Variants in ME3 observed in about 807,000 individuals in gnomAD.
ME3 encodes NADP-dependent malic enzyme, mitochondrial.
ME3 carries 48 observed loss-of-function variants against 68.9 expected under a neutral mutation model. The observed-to-expected ratio is 0.70, with a 90% CI of 0.55 to 0.89. ME3 has a LOEUF of 0.89. Among genes scored for constraint, ME3 ranks in the 40% least tolerant of loss-of-function variants. The probability of loss-of-function intolerance (pLI) is 0.00; values close to 1 mark genes in which losing one functional copy is unlikely to be tolerated. For synonymous variants in ME3, 320 were observed against 318.8 expected (o/e 1.00, Z -0.04); for missense variants, 675 against 797.4 (o/e 0.85, Z 1.85).
chr11:86,671,315 C>T (rs1233255185), intron 2 of ME3, among the ~76,000 whole-genome samples: 2 of 152,264 alleles, frequency 1.3e-5, no homozygotes, highest in Non-Finnish European at 2.9e-5. Flanking sequence ...CACTGGGTAC[C>T]AGGCACTGTT....
chr11:86,558,395 C>T (rs1465697321), intron 3 of ME3, among the ~76,000 whole-genome samples: 1 of 152,178 alleles, frequency 6.6e-6, no homozygotes, highest in Non-Finnish European at 1.5e-5. Flanking sequence ...GATATTTGGC[C>T]TGACTACAGT....
chr11:86,595,306 T>TATATATATATATATATATAGAGAGAGAG (rs371436753), intron 2 of ME3, among the ~76,000 whole-genome samples: 1 of 79,792 alleles, frequency 1.3e-5, no homozygotes, highest in African/African-American at 3.9e-5. Context: ...TATATATATA[T>TATATATATATATATATATAGAGAGAGAG]AGAGAGAGAG....
At chr11:86,660,663 G>C (rs990497151) in intron 2 of ME3, among the ~76,000 whole-genome samples, 1 of 152,068 alleles carries the variant, frequency 6.6e-6, no homozygotes, top group Admixed American at 6.5e-5. Context: ...ACACAAAATT[G>C]ATTCTAGCTG....
chr11:86,667,289 G>A (rs977796587), intron 2 of ME3, among the ~76,000 whole-genome samples: 3 of 152,086 alleles, frequency 2.0e-5, no homozygotes, highest in South Asian at 2.1e-4. Context: ...GTGGAATTTC[G>A]TGGCAAAAAA....
chr11:86,646,513 A>G (rs1334056096), intron 2 of ME3, among the ~76,000 whole-genome samples: 1 of 152,220 alleles, frequency 6.6e-6, no homozygotes, highest in African/African-American at 2.4e-5. Context: ...CAAAGAATGA[A>G]AAGTAACAAA....
At chr11:86,629,911 A>T (rs948512751) in intron 2 of ME3, among the ~76,000 whole-genome samples, 16 of 152,168 alleles carry the variant, frequency 1.1e-4, no homozygotes, top group African/African-American at 3.9e-4. Flanking sequence ...TTGAGGTTTA[A>T]TTCTGCTATA....
intron 4 of ME3, among the ~76,000 whole-genome samples, chr11:86,529,105 G>A (rs562719027): frequency 6.6e-6 from 1 of 152,250 alleles, no homozygotes; most frequent in South Asian, 2.1e-4. Flanking sequence ...TTGATAGACT[G>A]CTAGCGAGAC....
chr11:86,624,521 C>T (rs1175108141), intron 2 of ME3, among the ~76,000 whole-genome samples: 1 of 152,160 alleles, frequency 6.6e-6, no homozygotes, highest in African/African-American at 2.4e-5. Flanking sequence ...CAAGGCCATA[C>T]CTCATGCAGA....
intron 4 of ME3, among the ~76,000 whole-genome samples, chr11:86,520,983 A>T (rs966872472): frequency 2.0e-5 from 3 of 152,222 alleles, no homozygotes; most frequent in African/African-American, 7.2e-5. Context: ...GCACGCAGTT[A>T]TCTGTGACTC....
chr11:86,573,007 G>C (rs1433430579), intron 2 of ME3, among the ~76,000 whole-genome samples: 2 of 152,178 alleles, frequency 1.3e-5, no homozygotes, highest in Non-Finnish European at 2.9e-5. Flanking sequence ...TTGTGGTTTT[G>C]ATTTGCATTT....
intron 2 of ME3, among the ~76,000 whole-genome samples, chr11:86,587,949 G>A (rs1958837385): frequency 6.6e-6 from 1 of 152,164 alleles, no homozygotes; most frequent in South Asian, 2.1e-4. Context: ...CTGGATGTAT[G>A]GCCTTAAGCA....
At chr11:86,557,124 C>T (rs1382223803) in intron 3 of ME3, among the ~76,000 whole-genome samples, 6 of 152,108 alleles carry the variant, frequency 3.9e-5, no homozygotes, top group African/African-American at 1.2e-4. Context: ...ATTATGTGAA[C>T]ATTAATGAAT....
chr11:86,586,336 T>C (rs562898017), intron 2 of ME3, among the ~76,000 whole-genome samples: 6 of 152,148 alleles, frequency 3.9e-5, no homozygotes, highest in Admixed American at 1.3e-4. Flanking sequence ...CTGAGTAGGA[T>C]TGGAGACTGT....
downstream of ME3, among the ~76,000 whole-genome samples, chr11:86,440,085 C>G (rs1200672154): frequency 6.6e-6 from 1 of 152,202 alleles, no homozygotes; most frequent in Admixed American, 6.5e-5. Context: ...AATAGTCCAT[C>G]TAGCCTGTCC....
At chr11:86,484,481 A>AT (rs1490180474) in intron 7 of ME3, among the ~76,000 whole-genome samples, 1 of 152,280 alleles carries the variant, frequency 6.6e-6, no homozygotes, top group African/African-American at 2.4e-5. Flanking sequence ...TTAATGACAC[A>AT]TTCCTGTTGG....
chr11:86,538,677 G>A (rs931262566), intron 4 of ME3, among the ~76,000 whole-genome samples: 3 of 152,006 alleles, frequency 2.0e-5, no homozygotes, highest in African/African-American at 4.8e-5. Flanking sequence ...CTCATGCTTC[G>A]GTTAGTACTG....
At chr11:86,650,848 AG>A in intron 2 of ME3, among the ~76,000 whole-genome samples, 1 of 152,190 alleles carries the variant, frequency 6.6e-6, no homozygotes, top group Admixed American at 6.5e-5. Context: ...CTCCTAGCCA[AG>A]GAAAGGGGTG....
At chr11:86,515,766 G>C (rs1025875434) in intron 4 of ME3, among the ~76,000 whole-genome samples, 2 of 152,060 alleles carry the variant, frequency 1.3e-5, no homozygotes, top group African/African-American at 4.8e-5. Context: ...TCCACAGCTG[G>C]GTCTGTTTCA....
chr11:86,609,899 T>C (rs1942436538), intron 2 of ME3, among the ~76,000 whole-genome samples: 1 of 152,166 alleles, frequency 6.6e-6, no homozygotes, highest in African/African-American at 2.4e-5. Flanking sequence ...AATATAATGA[T>C]AATAATAGCT....
Sources: allele counts gnomAD v4.1 joint callset (sites outside exome capture counted in the v4.1 genomes callset), GRCh38; gene constraint gnomAD v4.1.1; transcripts MANE v1.5; gene names NCBI Gene and HGNC (gene_info 2026-07-23, HGNC 2026-07-21).